The following ROBO1 variants were observed in gnomAD, a reference collection of about 807,000 sequenced individuals.
ROBO1 encodes roundabout homolog 1.
A neutral mutation model predicts 195.9 loss-of-function variants in ROBO1; 149 were observed. That is an observed-to-expected ratio of 0.76 (90% CI 0.67 to 0.87). ROBO1 has a LOEUF of 0.87. Ranked by LOEUF, ROBO1 falls within the 40% of genes least tolerant of loss-of-function variation. The pLI is 0.00. For missense variants in ROBO1, 1,933 were observed against 2,068.3 expected (o/e 0.93, Z 1.27); for synonymous variants, 816 against 733.2 (o/e 1.11, Z -1.82).
chr3:78,869,341 C>T (rs2035397497), intron 4 of ROBO1, among the ~76,000 whole-genome samples: 1 of 152,118 alleles, frequency 6.6e-6, no homozygotes, highest in African/African-American at 2.4e-5. Context: ...TATTTGCTTT[C>T]TACCCACAAA....
In ROBO1 at chr3:78,938,775, C is replaced by A; in HGVS notation, c.325G>T (p.Glu109Ter). ...GAGCGAGGGTCATCTTTGTCTGTCT[C>A]CACTCTCTCTCCCCCTTTGTACCAT... Reference protein sequence around the residue: ...IEWYKGGERVETDKDDPRSHR... With the variant: ...IEWYKGGERV Residue 109 changes from glutamate (E) to a stop codon, truncating the protein, a stop_gained, in exon 4 of 31, where the codon GAG becomes TAG. Coordinates refer to ENST00000464233, the MANE Select transcript of ROBO1 (RefSeq NM_002941.4). LOFTEE classifies it high-confidence loss of function. 6.2e-7 allele frequency: 1 copy of A among 1,614,002 alleles called. No homozygotes were observed. Among genetic ancestry groups the A allele is most frequent in the Non-Finnish European group, 8.5e-7 (1 of 1,179,906 alleles).
chr3:79,157,542 C>T (rs2080880966), intron 2 of ROBO1, among the ~76,000 whole-genome samples: 1 of 151,870 alleles, frequency 6.6e-6, no homozygotes, highest in Non-Finnish European at 1.5e-5. Context: ...ACATCATATA[C>T]TTATCACACT....
At position 79,107,106 on chromosome 3, in the gene ROBO1, TTC is replaced by T. The variant is rs1162609873; in HGVS notation, c.172+18348_172+18349del. Among the ~76,000 whole-genome samples the T allele has an allele frequency of 9.8e-3, 1,227 of 125,220 alleles. 12 individuals carry two copies. Among genetic ancestry groups the T allele is most frequent in the South Asian group, 0.015 (56 of 3,802 alleles). The allele number at this position is 125,220 out of a possible 152,430, so 82.1% of individuals were successfully genotyped here. Reference sequence around the variant, plus strand: ...AAACTGCTTATCTATACCTCTCTCTTTCTCTCTCTCTCTCTCTCTCTCACACA... The same window carrying T: ...AAACTGCTTATCTATACCTCTCTCTTTCTCTCTCTCTCTCTCTCTCACACA... On this transcript the variant is annotated intron_variant, in intron 3 of 30. Transcript: ENST00000464233.
chr3:79,540,474 A>G lies in ROBO1; in HGVS notation c.88+49350T>C, dbSNP rs1942023312. On this transcript the variant is annotated intron_variant, in intron 2 of 30. Transcript: ENST00000464233. Reference sequence around the variant, plus strand: ...TGACTGTGTAATTATATCCAATCCTATTAATATGCTTTCAACATCCGCTCA... The same window carrying G: ...TGACTGTGTAATTATATCCAATCCTGTTAATATGCTTTCAACATCCGCTCA... 2.6e-5 allele frequency among the ~76,000 whole-genome samples: 4 copies of G among 152,192 alleles called. No individual in the cohort carries two copies. In the South Asian group the frequency reaches 6.2e-4, roughly 24 times the overall value.
chr3:79,328,278 G>A (rs2034299196), intron 2 of ROBO1, among the ~76,000 whole-genome samples: 1 of 152,120 alleles, frequency 6.6e-6, no homozygotes, highest in African/African-American at 2.4e-5. Context: ...AACTCCCTCT[G>A]TAACATGCTC....
chr3:78,914,222 T>C (rs1372003417), intron 4 of ROBO1, among the ~76,000 whole-genome samples: 2 of 152,158 alleles, frequency 1.3e-5, no homozygotes, highest in African/African-American at 4.8e-5. Flanking sequence ...TCATATTACA[T>C]TATTCAAATC....
intron 6 of ROBO1, 86 bp from the exon 7 acceptor site, chr3:78,717,499 T>G: frequency 1.6e-6 from 2 of 1,249,558 alleles, no homozygotes; most frequent in South Asian, 1.3e-5. Flanking sequence ...GAGCATATTT[T>G]TAATTTAAAA....
chr3:79,439,074 T>G (rs976989219), intron 2 of ROBO1, among the ~76,000 whole-genome samples: 1 of 152,090 alleles, frequency 6.6e-6, no homozygotes, highest in African/African-American at 2.4e-5. Context: ...TAAATATTTT[T>G]GAGACAGAAC....
At chr3:78,696,830 G>T (rs2107904693) in intron 8 of ROBO1, among the ~76,000 whole-genome samples, 1 of 151,150 alleles carries the variant, frequency 6.6e-6, no homozygotes, top group South Asian at 2.1e-4. Context: ...GTTTAAAAAA[G>T]ACCTGGAAAC....
chr3:78,896,658 C>CA (rs142287501), intron 4 of ROBO1, among the ~76,000 whole-genome samples: 22,729 of 69,112 alleles, frequency 0.33, 2,819 homozygotes, highest in South Asian at 0.43. Context: ...TTGTTGCTCA[C>CA]AAAAAAAAAA....
chr3:78,946,191 G>A (rs571200126), intron 3 of ROBO1, among the ~76,000 whole-genome samples: 173 of 152,160 alleles, frequency 1.1e-3, no homozygotes, highest in African/African-American at 3.9e-3. Flanking sequence ...GATACTCCTC[G>A]AGAAGGGCAA....
intron 29 of ROBO1, among the ~76,000 whole-genome samples, chr3:78,601,182 A>C (rs1703148291): frequency 6.6e-6 from 1 of 152,124 alleles, no homozygotes; most frequent in Non-Finnish European, 1.5e-5. Flanking sequence ...TGCTTCCTCT[A>C]CTATTCACAT....
rs568741994 is a variant in ROBO1, at chr3:79,580,123, C to T, written c.88+9701G>A. Among the ~76,000 whole-genome samples the T allele has an allele frequency of 3.6e-3, 552 of 151,626 alleles. 4 individuals are homozygous for T. The highest frequency in any genetic ancestry group is 0.03 in the South Asian group (143 of 4,786). ...TTGTGTAGATACATCGCCCTACTAA[C>T]CTGGTAATTCAGAGAATGACTATTA... On this transcript the variant is annotated intron_variant, in intron 2 of 30. Transcript: ENST00000464233.
chr3:79,544,273 A>G (rs1942182891), intron 2 of ROBO1, among the ~76,000 whole-genome samples: 1 of 151,862 alleles, frequency 6.6e-6, no homozygotes, highest in Non-Finnish European at 1.5e-5. Flanking sequence ...TCTAGGATAA[A>G]TATTTTATAT....
intron 2 of ROBO1, among the ~76,000 whole-genome samples, chr3:79,288,324 G>A (rs1422754861): frequency 1.3e-5 from 2 of 151,998 alleles, no homozygotes; most frequent in Non-Finnish European, 1.5e-5. Context: ...AGCTTTGATG[G>A]TATATCATAA....
chr3:79,218,703 CAAAG>C (rs2082092705), intron 2 of ROBO1, among the ~76,000 whole-genome samples: 1 of 151,802 alleles, frequency 6.6e-6, no homozygotes, highest in African/African-American at 2.4e-5. Context: ...ATGTAATAGA[CAAAG>C]AGACTCCCTC....
At chr3:79,086,014 T>C (rs762508506) in intron 3 of ROBO1, among the ~76,000 whole-genome samples, 2 of 152,128 alleles carry the variant, frequency 1.3e-5, no homozygotes, top group African/African-American at 4.8e-5. Context: ...AAGAGCCTAT[T>C]AACGGCCAGC....
Position 78,670,174 on chromosome 3 carries a change from C to G in ROBO1, c.1470G>C (p.Lys490Asn). 6.2e-7 allele frequency: 1 copy of G among 1,612,894 alleles called. No homozygotes were observed. The highest frequency in any genetic ancestry group is 8.5e-7 in the Non-Finnish European group (1 of 1,179,452). Residue 490 changes from lysine (K) to asparagine (N), a missense_variant, in exon 11 of 31, where the codon AAG becomes AAC. This residue lies in a region of ROBO1 where 1,737 missense variants were observed against 1,882.5 expected (regional missense o/e 0.92). Coordinates refer to ENST00000464233, the MANE Select transcript of ROBO1 (RefSeq NM_002941.4). ...CTTGGGTTGAAACGAGGACTCCATCCTTTCTCCACAGAATGGTGGGCACTG... is the reference window on the plus strand; with the variant it reads ...CTTGGGTTGAAACGAGGACTCCATCGTTTCTCCACAGAATGGTGGGCACTG... ...GSPVPTILWRKDGVLVSTQDS... is the reference protein window; with the variant it reads ...GSPVPTILWRNDGVLVSTQDS...
chr3:78,884,013 G>C lies in ROBO1; in HGVS notation c.499+54588C>G, dbSNP rs113885154. Among the ~76,000 whole-genome samples the C allele has an allele frequency of 8.5e-3, 1,295 of 152,250 alleles. 24 individuals carry two copies. The highest frequency in any genetic ancestry group is 0.027 in the African/African-American group (1,118 of 41,536). On this transcript the variant is annotated intron_variant, in intron 4 of 30. Transcript: ENST00000464233. ...GGCCAGAGTGTGCCAGGTAGTTTTG[G>C]ACTGCAAGTGAACAGTGGGGAGAAT... is the stretch of plus-strand genomic sequence containing the variant.
Sources: allele counts gnomAD v4.1 joint callset (sites outside exome capture counted in the v4.1 genomes callset), GRCh38; gene constraint gnomAD v4.1.1; regional missense constraint gnomAD v4.1.1; transcripts MANE v1.5; gene names NCBI Gene and HGNC (gene_info 2026-07-23, HGNC 2026-07-21).